CCHCR1: variants seen among roughly 807,000 people sequenced by gnomAD.
CCHCR1 encodes coiled-coil alpha-helical rod protein 1.
A neutral mutation model predicts 114.6 loss-of-function variants in CCHCR1; 91 were observed. The ratio of observed to expected loss-of-function variants is 0.79; its 90% confidence interval spans 0.67 to 0.94. The LOEUF (loss-of-function observed/expected upper bound fraction) is 0.94. Among genes scored for constraint, CCHCR1 ranks in the 40% least tolerant of loss-of-function variants. The pLI, the probability that CCHCR1 is intolerant of heterozygous loss-of-function variation, is 0.00. For missense variants in CCHCR1, 899 were observed against 1,079.9 expected (o/e 0.83, Z 2.35); for synonymous variants, 379 against 428.5 (o/e 0.88, Z 1.43).
At chr6:31,148,804 G>A in intron 8 of CCHCR1, 76 bp from the exon 9 acceptor site, 1 of 536,006 alleles carries the variant, frequency 1.9e-6, no homozygotes, top group Non-Finnish European at 3.5e-6. Flanking sequence ...AAAGTGGCAG[G>A]TGCAGAGATC....
At chr6:31,153,605 A>G (rs1775573521) in intron 4 of CCHCR1, among the ~76,000 whole-genome samples, 1 of 151,968 alleles carries the variant, frequency 6.6e-6, no homozygotes, top group African/African-American at 2.4e-5. Context: ...TTTGAGACAG[A>G]GTCTTGCTCT....
At chr6:31,153,830 G>A (rs576262169) in intron 4 of CCHCR1, among the ~76,000 whole-genome samples, 4 of 152,224 alleles carry the variant, frequency 2.6e-5, no homozygotes, top group Non-Finnish European at 5.9e-5. Flanking sequence ...TGCCTGCTTC[G>A]GCCTCCCAAA....
chr6:31,144,617 G>A lies in CCHCR1; in HGVS notation c.2167+70C>T. On this transcript the variant is annotated intron_variant, in intron 15 of 17. Transcript: ENST00000396268. The surrounding 1 kb of genome is among the most constrained non-coding windows in gnomAD (Gnocchi z 4.6). ...TGAAGCTTTGAACACACTTTGAGGGGAAAATAATAACCTTATGTCTTAACA... is the reference window on the plus strand; with the variant it reads ...TGAAGCTTTGAACACACTTTGAGGGAAAAATAATAACCTTATGTCTTAACA... 1 of 993,296 alleles carries A rather than the reference G, an allele frequency of 1.0e-6. No individual in the cohort carries two copies. Among genetic ancestry groups the A allele is most frequent in the Non-Finnish European group, 1.5e-6 (1 of 655,090 alleles). The allele number at this position is 993,296 out of a possible 1,614,324, so 61.5% of individuals were successfully genotyped here.
intron 3 of CCHCR1, among the ~76,000 whole-genome samples, chr6:31,155,381 G>GC (rs1263516392): frequency 6.6e-6 from 1 of 151,994 alleles, no homozygotes. Flanking sequence ...GAGGCGGGCG[G>GC]ATCACGAGGT....
rs748877603 is a variant in CCHCR1, at chr6:31,151,158, C to A, written c.802-36G>T. 4 of 1,591,670 alleles carry A rather than the reference C, an allele frequency of 2.5e-6. No individual in the cohort carries two copies. The highest frequency in any genetic ancestry group is 3.4e-6 in the Non-Finnish European group (4 of 1,170,578). ...AAGAGGGGGCTCAGCAGAGGCTCGA[C>A]CCCACATGGAGGCCTTCCTTGTTCC... On this transcript the variant is annotated intron_variant, in intron 4 of 17. Transcript: ENST00000396268. The surrounding 1 kb of genome is among the most constrained non-coding windows in gnomAD (Gnocchi z 4.1).
Position 31,150,608 on chromosome 6 carries a change from C to A in CCHCR1, c.1102-43G>T, listed in dbSNP as rs1336025976. ...CAGCCCCTCTGTAGGGCCTCCATGC[C>A]GCCTTAGGTACCACCTTCTCTCCCG... On this transcript the variant is annotated intron_variant, in intron 6 of 17. Transcript: ENST00000396268. This position sits in a 1 kb window ranked among gnomAD's most constrained non-coding sequence, Gnocchi z 5.3. The A allele has an allele frequency of 2.5e-6, 4 of 1,593,866 alleles. No individual in the cohort carries two copies. Among genetic ancestry groups the A allele is most frequent in the South Asian group, 2.2e-5 (2 of 89,688 alleles).
At chr6:31,142,913 T>C in intron 17 of CCHCR1, 50 bp downstream of exon 17, 1 of 1,581,222 alleles carries the variant, frequency 6.3e-7, no homozygotes, top group Non-Finnish European at 8.6e-7. Flanking sequence ...AAGAGGAGAT[T>C]CCTGAAGTGC....
upstream of CCHCR1, chr6:31,158,180 C>A (rs1418758384): frequency 6.4e-6 from 1 of 156,290 alleles, no homozygotes; most frequent in Non-Finnish European, 1.4e-5. Context: ...CCGCGAGAGC[C>A]CCCTACTGCG....
Position 31,150,403 on chromosome 6 carries a change from C to G in CCHCR1, c.1212+52G>C. 2 of 1,491,290 alleles carry G rather than the reference C, an allele frequency of 1.3e-6. No individual in the cohort carries two copies. Among genetic ancestry groups the G allele is most frequent in the Non-Finnish European group, 9.3e-7 (1 of 1,076,066 alleles). The allele number at this position is 1,491,290 out of a possible 1,614,324, so 92.4% of individuals were successfully genotyped here. ...TGCCCACAGGGAGGGAGGCAGGGGA[C>G]AGTAGATGCAGGATGCGGCTGAGGG... On this transcript the variant is annotated intron_variant, in intron 7 of 17. Transcript: ENST00000396268. This position sits in a 1 kb window ranked among gnomAD's most constrained non-coding sequence, Gnocchi z 5.3.
rs1037212128 is a variant in CCHCR1 at position 31,148,525 on chromosome 6, A to G, written c.1474-14T>C. The G allele has an allele frequency of 5.0e-6, 8 of 1,606,572 alleles. No individual in the cohort carries two copies. The highest frequency in any genetic ancestry group is 6.8e-6 in the Non-Finnish European group (8 of 1,174,490). ...CAACTGCAGGCCCTGGGGAGGATGC[A>G]GCAAAGGACAGGGTCCCTCCCTAAG... On this transcript the variant is annotated splice_polypyrimidine_tract_variant and intron_variant, in intron 9 of 17. Transcript: ENST00000396268.
chr6:31,158,126 C>T (rs71563309), upstream of CCHCR1: 460 of 157,056 alleles, frequency 2.9e-3, 5 homozygotes, highest in Non-Finnish European at 2.9e-3. Flanking sequence ...CCCGCTCAGC[C>T]CCTTCCCGCC....
intron 8 of CCHCR1, chr6:31,149,796 A>G (rs147296625): frequency 4.7e-6 from 2 of 424,882 alleles, no homozygotes; most frequent in South Asian, 7.1e-5. Context: ...TGAGGTCAGG[A>G]GTTCAAGACC....
chr6:31,150,007 C>T lies in CCHCR1; in HGVS notation c.1362+59G>A, dbSNP rs1391899814. On this transcript the variant is annotated intron_variant, in intron 8 of 17. Coordinates refer to ENST00000396268, the MANE Select transcript of CCHCR1 (RefSeq NM_001105564.2). The surrounding 1 kb of genome is among the most constrained non-coding windows in gnomAD (Gnocchi z 5.3). ...TAAACACTGGTTGAATGGATGCCAC[C>T]TTCATGGAAGGAGCAAGGTGCTGGG... 2.5e-6 allele frequency: 4 copies of T among 1,588,270 alleles called. No individual in the cohort carries two copies. Among genetic ancestry groups the T allele is most frequent in the Middle Eastern group, 1.7e-4 (1 of 5,934 alleles).
Position 31,148,713 on chromosome 6 carries a change from C to G in CCHCR1, c.1378G>C (p.Glu460Gln). 1 of 1,611,964 alleles carries G rather than the reference C, an allele frequency of 6.2e-7. No homozygotes were observed. Among genetic ancestry groups the G allele is most frequent in the Non-Finnish European group, 8.5e-7 (1 of 1,179,134 alleles). The change falls in exon 9 of 18, where the codon GAA becomes CAA. Residue 460 changes from glutamate (E) to glutamine (Q), a missense_variant. By Grantham distance (29) the Glu-to-Gln change is conservative (BLOSUM62 2). Coordinates refer to ENST00000396268, the MANE Select transcript of CCHCR1 (RefSeq NM_001105564.2). ...TCCTGGCTCTGGGATGTCACTTTTTCCTGGAGTGAGGCCACCTGGGGGAGG... is the reference window on the plus strand; with the variant it reads ...TCCTGGCTCTGGGATGTCACTTTTTGCTGGAGTGAGGCCACCTGGGGGAGG... ...QLKGQVASLQ[E>Q]KVTSQSQEQA...
At chr6:31,145,941 T>C (rs1170785468) in intron 10 of CCHCR1, 133 bp from the exon 11 acceptor site, 7 of 618,792 alleles carry the variant, frequency 1.1e-5, no homozygotes, top group Non-Finnish European at 2.0e-5. Context: ...CCGTCAATTA[T>C]CTAAAGGACC....
chr6:31,143,085 A>C lies in CCHCR1; in HGVS notation c.2369T>G (p.Leu790Arg). The C allele has an allele frequency of 6.2e-7, 1 of 1,613,032 alleles. No homozygotes were observed. The highest frequency in any genetic ancestry group is 1.3e-5 in the African/African-American group (1 of 75,032). The part of the protein sequence containing the change: ...GLLSRYKQQR[L>R]LTVLPSLLDK... Reference sequence around the variant, plus strand: ...CAGTAGGGAAGGAAGAACTGTCAACAGTCGCTGCTGCTTGTAACGGGAGAG... The same window carrying C: ...CAGTAGGGAAGGAAGAACTGTCAACCGTCGCTGCTGCTTGTAACGGGAGAG... The change falls in exon 17 of 18, where the codon CTG (leucine) becomes CGG (arginine). Residue 790 changes from leucine (L) to arginine (R), a missense_variant. By Grantham distance (102) the Leu-to-Arg change is moderately radical (BLOSUM62 -2). Transcript: ENST00000396268. This position sits in a 1 kb window ranked among gnomAD's most constrained non-coding sequence, Gnocchi z 5.3.
chr6:31,147,082 A>G (rs893112404), intron 10 of CCHCR1, among the ~76,000 whole-genome samples: 6 of 152,158 alleles, frequency 3.9e-5, no homozygotes, highest in Non-Finnish European at 4.4e-5. Flanking sequence ...AACAATAAAC[A>G]TTTACAAGCC....
At chr6:31,155,782 T>C (rs1234535284) in intron 3 of CCHCR1, among the ~76,000 whole-genome samples, 1 of 152,078 alleles carries the variant, frequency 6.6e-6, no homozygotes, top group African/African-American at 2.4e-5. Flanking sequence ...TAAGAGATTG[T>C]TGTTGTTGTC....
rs2394881 is a variant in CCHCR1 at position 31,149,178 on chromosome 6, A to G, written c.1363-450T>C. On this transcript the variant is annotated intron_variant, in intron 8 of 17. Transcript: ENST00000396268. ...AAAAAAAAAAAAAAAAAAAAAGAAA[A>G]GAAAAAGAATGAATGCCACGCAGGG... is the stretch of plus-strand genomic sequence containing the variant. 6.5e-3 allele frequency: 1,014 copies of G among 156,128 alleles called. 17 individuals are homozygous for G. Among genetic ancestry groups the G allele is most frequent in the African/African-American group, 0.021 (875 of 41,066 alleles). 9.7% of individuals were successfully genotyped at this position (156,128 alleles called of 1,614,324 possible). A position where few individuals can be genotyped will look rare whatever the true frequency, so the allele number is the denominator to read the frequency against.
Sources: allele counts gnomAD v4.1 joint callset (sites outside exome capture counted in the v4.1 genomes callset), GRCh38; gene constraint gnomAD v4.1.1; non-coding constraint Gnocchi (gnomAD v3.1); transcripts MANE v1.5; gene names NCBI Gene and HGNC (gene_info 2026-07-23, HGNC 2026-07-21).